Variants in WNK1 observed in about 807,000 individuals in gnomAD.
WNK1 encodes the protein WNK lysine deficient protein kinase 1, also known as serine/threonine-protein kinase WNK1.
WNK1 carries 38 observed loss-of-function variants against 222.8 expected under a neutral mutation model. That is an observed-to-expected ratio of 0.17 (90% CI 0.13 to 0.22). The LOEUF is 0.22. Ranked by LOEUF, WNK1 falls within the 10% of genes least tolerant of loss-of-function variation. The pLI, the probability that WNK1 is intolerant of heterozygous loss-of-function variation, is 1.00. For synonymous variants in WNK1, 1,090 were observed against 1,092.9 expected (o/e 1.00, Z 0.05); for missense variants, 2,348 against 2,918.4 (o/e 0.80, Z 4.50).
At chr12:773,565 A>G (rs1942780629) in intron 1 of WNK1, among the ~76,000 whole-genome samples, 1 of 152,220 alleles carries the variant, frequency 6.6e-6, no homozygotes, top group African/African-American at 2.4e-5. Flanking sequence ...CTGAAGTTTC[A>G]TCACTAAAAG....
chr12:885,030 T>G lies in WNK1; in HGVS notation c.4226T>G (p.Leu1409Arg). 1.2e-6 allele frequency: 2 copies of G among 1,614,222 alleles called. No homozygotes were observed. The highest frequency in any genetic ancestry group is 1.7e-6 in the Non-Finnish European group (2 of 1,180,044). Residue 1409 changes from leucine to arginine, a missense_variant, in exon 19 of 28, where the codon CTT (leucine) becomes CGT (arginine). Around this residue, in one of 13 missense-constraint regions of WNK1, gnomAD observed 1,144 missense variants for 1,273.6 expected, o/e 0.90. Transcript: ENST00000315939. ...PIPPVSESPV[L>R]SSVVSSITIP... ...CCACCTGTGTCTGAATCACCAGTAC[T>G]TTCCAGCGTAGTTTCAAGTATCACA...
chr12:868,077 T>C (rs371167739), intron 8 of WNK1: 2 of 1,614,016 alleles, frequency 1.2e-6, no homozygotes, highest in South Asian at 2.2e-5. Context: ...GGCCAAAGTC[T>C]TCTTCCACCT....
intron 1 of WNK1, among the ~76,000 whole-genome samples, chr12:759,009 C>CA (rs145911490): frequency 0.099 from 14,453 of 145,912 alleles, 1,864 homozygotes; most frequent in African/African-American, 0.17. Flanking sequence ...CAAAGAATTT[C>CA]AAAAAATAAA....
intron 4 of WNK1, among the ~76,000 whole-genome samples, chr12:846,744 G>A (rs1290744957): frequency 6.6e-6 from 1 of 152,108 alleles, no homozygotes; most frequent in Non-Finnish European, 1.5e-5. Flanking sequence ...GGAAAAAACA[G>A]AACTAAAGCC....
chr12:889,634 CG>C (rs1464044906), intron 21 of WNK1, among the ~76,000 whole-genome samples: 2 of 151,848 alleles, frequency 1.3e-5, no homozygotes, highest in African/African-American at 4.8e-5. Context: ...CTGGCTAACA[CG>C]GTGAAACCCC....
At chr12:867,697 A>T in intron 8 of WNK1, 2 of 757,574 alleles carry the variant, frequency 2.6e-6, no homozygotes, top group Non-Finnish European at 4.3e-6. Flanking sequence ...GGATGTATTT[A>T]ATGGATTTTT....
At chr12:798,438 C>T (rs570296536) in intron 1 of WNK1, among the ~76,000 whole-genome samples, 2 of 152,110 alleles carry the variant, frequency 1.3e-5, no homozygotes, top group African/African-American at 2.4e-5. Flanking sequence ...GTGATCTGCC[C>T]GCCTCGGCCT....
intron 1 of WNK1, among the ~76,000 whole-genome samples, chr12:765,583 C>A (rs1010929285): frequency 8.3e-6 from 1 of 120,144 alleles, no homozygotes; most frequent in African/African-American, 2.6e-5. Flanking sequence ...GCAGAAAATT[C>A]TTTTGGAATG....
chr12:762,764 T>G (rs1335887505), intron 1 of WNK1, among the ~76,000 whole-genome samples: 1 of 147,300 alleles, frequency 6.8e-6, no homozygotes, highest in African/African-American at 2.4e-5. Context: ...ATTTTTTTTT[T>G]GAGACAGAGT....
chr12:869,097 A>T, intron 8 of WNK1: 1 of 1,614,032 alleles, frequency 6.2e-7, no homozygotes, highest in Non-Finnish European at 8.5e-7. Context: ...TCTGCACTTC[A>T]TCCACAGGTT....
At chr12:882,183 A>C (rs1014992749) in intron 14 of WNK1, 110 bp downstream of exon 14, 21 of 1,278,584 alleles carry the variant, frequency 1.6e-5, no homozygotes, top group Non-Finnish European at 2.2e-5. Context: ...AAAGATAACT[A>C]TCTGTGTGTG....
chr12:818,185 C>T (rs1285602747), intron 2 of WNK1, among the ~76,000 whole-genome samples: 1 of 152,178 alleles, frequency 6.6e-6, no homozygotes, highest in African/African-American at 2.4e-5. Flanking sequence ...ATTTCCCTTC[C>T]TCCAGCCAGG....
chr12:851,225 T>C (rs1950398465), intron 4 of WNK1, among the ~76,000 whole-genome samples: 1 of 152,208 alleles, frequency 6.6e-6, no homozygotes, highest in African/African-American at 2.4e-5. Flanking sequence ...ACTTTGTTCA[T>C]TGAACTCAAT....
At chr12:872,826 T>A (rs1416334524) in intron 9 of WNK1, among the ~76,000 whole-genome samples, 1 of 152,198 alleles carries the variant, frequency 6.6e-6, no homozygotes, top group African/African-American at 2.4e-5. Flanking sequence ...ATGTAGTCAT[T>A]CGATACTGGT....
intron 1 of WNK1, among the ~76,000 whole-genome samples, chr12:807,504 G>A (rs1404314121): frequency 6.6e-6 from 1 of 151,878 alleles, no homozygotes; most frequent in Non-Finnish European, 1.5e-5. Context: ...TTGCTTTCCT[G>A]TGGTGGCAGA....
rs373543253 is a variant in WNK1 at position 883,572 on chromosome 12, G to T, written c.3663+4G>T. The T allele has an allele frequency of 1.2e-6, 2 of 1,614,036 alleles. No homozygotes were observed. Among genetic ancestry groups the T allele is most frequent in the African/African-American group, 2.7e-5 (2 of 74,924 alleles). The stretch of plus-strand genomic sequence containing the variant: ...CTATGGCTTTTCAGGTTCTCAGGTA[G>T]GTTCACCACTCCCATAGTGAAACTT... On this transcript the variant is annotated splice_donor_region_variant and intron_variant, in intron 16 of 27. Coordinates refer to ENST00000315939, the MANE Select transcript of WNK1 (RefSeq NM_018979.4).
At chr12:764,774 A>G (rs1290526536) in intron 1 of WNK1, among the ~76,000 whole-genome samples, 1 of 147,204 alleles carries the variant, frequency 6.8e-6, no homozygotes, top group Non-Finnish European at 1.5e-5. Flanking sequence ...AATAAGAGAG[A>G]AGCACATAAA....
intron 11 of WNK1, among the ~76,000 whole-genome samples, chr12:880,434 T>C (rs768180623): frequency 3.0e-4 from 46 of 152,212 alleles, no homozygotes; most frequent in Non-Finnish European, 8.8e-5. Context: ...CATTTTTCCA[T>C]TTAAGATTGG....
intron 1 of WNK1, among the ~76,000 whole-genome samples, chr12:788,053 C>T: frequency 6.6e-6 from 1 of 152,056 alleles, no homozygotes; most frequent in East Asian, 1.9e-4. Flanking sequence ...GATGCTGCAC[C>T]TTTAGCCAGG....
Sources: allele counts gnomAD v4.1 joint callset (sites outside exome capture counted in the v4.1 genomes callset), GRCh38; gene constraint gnomAD v4.1.1; regional missense constraint gnomAD v4.1.1; transcripts MANE v1.5; gene names NCBI Gene and HGNC (gene_info 2026-07-23, HGNC 2026-07-21).